Variants in UBAC2 observed in about 807,000 individuals in gnomAD.
The protein encoded by UBAC2 is UBA domain containing 2.
A neutral mutation model predicts 44.0 loss-of-function variants in UBAC2; 26 were observed. The ratio of observed to expected loss-of-function variants is 0.59; its 90% CI spans 0.43 to 0.82. The LOEUF is 0.82. Ranked by LOEUF, UBAC2 falls within the 40% of genes least tolerant of loss-of-function variation. UBAC2 has a pLI of 0.00. For missense variants in UBAC2, 329 were observed against 419.4 expected (o/e 0.78, Z 1.88); for synonymous variants, 155 against 154.3 (o/e 1.00, Z -0.04).
chr13:99,314,940 G>A (rs751292679), intron 5 of UBAC2: 7 of 152,154 alleles, frequency 4.6e-5, no homozygotes, highest in Non-Finnish European at 8.8e-5. Context: ...ACAGCTTCCT[G>A]TGTCACCATG....
intron 4 of UBAC2, chr13:99,254,683 A>C: frequency 7.6e-6 from 4 of 528,018 alleles, no homozygotes; most frequent in Non-Finnish European, 1.3e-5. Context: ...ACAAGGCTTG[A>C]CTAGGAAAGA....
At chr13:99,317,259 A>G (rs1228020802) in intron 5 of UBAC2, among the ~76,000 whole-genome samples, 1 of 152,190 alleles carries the variant, frequency 6.6e-6, no homozygotes, top group Non-Finnish European at 1.5e-5. Flanking sequence ...TTCCACAATC[A>G]GAAGTAAACC....
At chr13:99,345,709 G>C (rs1456067010) in intron 7 of UBAC2, among the ~76,000 whole-genome samples, 1 of 151,252 alleles carries the variant, frequency 6.6e-6, no homozygotes, top group African/African-American at 2.4e-5. Context: ...TGTCCCATCA[G>C]CTCTTGACAG....
intron 7 of UBAC2, among the ~76,000 whole-genome samples, chr13:99,354,769 C>T (rs2045151273): frequency 2.0e-5 from 3 of 152,230 alleles, no homozygotes; most frequent in Non-Finnish European, 4.4e-5. Context: ...TGTGAAAGGG[C>T]TTCTTGTGCA....
intron 6 of UBAC2, among the ~76,000 whole-genome samples, chr13:99,328,258 T>C (rs1295947062): frequency 6.6e-6 from 1 of 152,234 alleles, no homozygotes; most frequent in Non-Finnish European, 1.5e-5. Context: ...CATTCACCAA[T>C]TGGTGGACAT....
At chr13:99,215,736 T>G in intron 1 of UBAC2, 1 of 1,463,678 alleles carries the variant, frequency 6.8e-7, no homozygotes, top group South Asian at 1.4e-5. Context: ...TCCGGAGTCC[T>G]TCCCAGCCTT....
chr13:99,239,550 C>G (rs1226628412), intron 2 of UBAC2, among the ~76,000 whole-genome samples: 3 of 152,230 alleles, frequency 2.0e-5, no homozygotes. Context: ...TAGTGTATGG[C>G]TGGCTTTGAG....
intron 1 of UBAC2, chr13:99,231,405 C>G (rs2043170432): frequency 8.8e-6 from 1 of 113,542 alleles, no homozygotes; most frequent in East Asian, 3.1e-4. Context: ...TTGCTGTATA[C>G]ATTTTTTTTT....
chr13:99,350,820 G>A (rs2045073627), intron 7 of UBAC2, among the ~76,000 whole-genome samples: 1 of 152,220 alleles, frequency 6.6e-6, no homozygotes, highest in African/African-American at 2.4e-5. Context: ...CAGTCTTGTG[G>A]GAGTGGGCCC....
At chr13:99,262,997 GCTTGAGCTAA>G (rs1243415475) in intron 4 of UBAC2, among the ~76,000 whole-genome samples, 10 of 152,286 alleles carry the variant, frequency 6.6e-5, no homozygotes, top group African/African-American at 2.4e-4. Context: ...AGCCTCACAT[GCTTGAGCTAA>G]CTTAACCTTC....
chr13:99,268,611 CAAAAAA>C lies in UBAC2; in HGVS notation c.389+24005_389+24010del, dbSNP rs756827927. 2.4e-4 allele frequency among the ~76,000 whole-genome samples: 18 copies of C among 75,718 alleles called. No homozygotes were observed. In the East Asian group the frequency reaches 5.4e-3, roughly 23 times the overall value. The allele number at this position is 75,718 out of a possible 152,430, so 49.7% of individuals were successfully genotyped here. A position where few individuals can be genotyped will look rare whatever the true frequency, so the allele number is the denominator to read the frequency against. ...TGGGCTACAGAGTGAGACTCTGTCT[CAAAAAA>C]AAAAAAAAAAAAAAAAAGAAACACA... On this transcript the variant is annotated intron_variant, in intron 4 of 8. Coordinates refer to ENST00000403766, the MANE Select transcript of UBAC2 (RefSeq NM_001144072.2).
chr13:99,239,419 G>A (rs2043275665), intron 2 of UBAC2, among the ~76,000 whole-genome samples: 1 of 152,108 alleles, frequency 6.6e-6, no homozygotes, highest in East Asian at 1.9e-4. Flanking sequence ...CTTACGTGAA[G>A]GTATAATTTA....
chr13:99,211,949 T>C (rs1266404618), intron 1 of UBAC2, among the ~76,000 whole-genome samples: 1 of 152,228 alleles, frequency 6.6e-6, no homozygotes, highest in Non-Finnish European at 1.5e-5. Context: ...TGGCTGCCAG[T>C]GCACAAGTCT....
At chr13:99,236,423 AAAG>A (rs2043233354) in intron 1 of UBAC2, among the ~76,000 whole-genome samples, 1 of 152,258 alleles carries the variant, frequency 6.6e-6, no homozygotes, top group African/African-American at 2.4e-5. Flanking sequence ...GACATTCTCA[AAAG>A]AAGACATACA....
chr13:99,366,550 A>G (rs1005212411), intron 7 of UBAC2, among the ~76,000 whole-genome samples: 13 of 152,094 alleles, frequency 8.5e-5, no homozygotes, highest in East Asian at 1.9e-4. Flanking sequence ...TTGAACCCCA[A>G]ATTTGCCTGT....
At chr13:99,269,615 G>A (rs983853554) in intron 4 of UBAC2, among the ~76,000 whole-genome samples, 1 of 152,158 alleles carries the variant, frequency 6.6e-6, no homozygotes, top group Non-Finnish European at 1.5e-5. Flanking sequence ...ATTAAGGTAA[G>A]AGCTAAATAA....
chr13:99,243,826 A>G lies in UBAC2; in HGVS notation c.160-6A>G, dbSNP rs912089175. ...GTTTATTGTTCTTTTTTAAATCCCC[A>G]TCTAGATTTGGAGGTTGATATGTGG... On this transcript the variant is annotated splice_polypyrimidine_tract_variant and splice_region_variant and intron_variant, in intron 2 of 8. Coordinates refer to ENST00000403766, the MANE Select transcript of UBAC2 (RefSeq NM_001144072.2). The G allele has an allele frequency of 3.8e-6, 6 of 1,560,758 alleles. No individual in the cohort carries two copies. The highest frequency in any genetic ancestry group is 5.2e-6 in the Non-Finnish European group (6 of 1,152,458).
chr13:99,352,394 C>G (rs2045107278), intron 7 of UBAC2, among the ~76,000 whole-genome samples: 3 of 152,226 alleles, frequency 2.0e-5, no homozygotes, highest in African/African-American at 4.8e-5. Flanking sequence ...TGTAGACTTG[C>G]TTATTCTGGA....
intron 4 of UBAC2, among the ~76,000 whole-genome samples, chr13:99,279,495 A>G (rs115999812): frequency 7.2e-4 from 110 of 152,320 alleles, no homozygotes; most frequent in African/African-American, 2.5e-3. Flanking sequence ...TCATCACTAT[A>G]GATAGTAAAT....
Sources: gnomAD v4.1 joint callset for allele counts (sites outside exome capture counted in the v4.1 genomes callset) on GRCh38, gnomAD v4.1.1 for gene constraint, MANE v1.5 for transcripts, NCBI Gene and HGNC (gene_info 2026-07-23, HGNC 2026-07-21) for gene names.